Variants in SYNE1 observed in about 807,000 individuals in gnomAD.
The protein encoded by SYNE1 is spectrin repeat containing nuclear envelope protein 1.
A neutral mutation model predicts 1,111.0 loss-of-function variants in SYNE1; 616 were observed. That is an observed-to-expected ratio of 0.55 (90% confidence interval 0.52 to 0.59). SYNE1 has a LOEUF of 0.59. Ranked by LOEUF, SYNE1 falls within the 20% of genes least tolerant of loss-of-function variation. The pLI is 0.00. For missense variants in SYNE1, 10,006 were observed against 10,417.0 expected (o/e 0.96, Z 1.72); for synonymous variants, 3,855 against 3,825.8 (o/e 1.01, Z -0.28).
chr6:152,560,567 C>T (rs933777632), intron 3 of SYNE1, among the ~76,000 whole-genome samples: 13 of 152,068 alleles, frequency 8.5e-5, no homozygotes, highest in African/African-American at 1.4e-4. Flanking sequence ...TGAGAATGAA[C>T]CACTTCCACA....
At chr6:152,528,424 G>A (rs1268585987) in intron 4 of SYNE1, among the ~76,000 whole-genome samples, 1 of 152,130 alleles carries the variant, frequency 6.6e-6, no homozygotes, top group African/African-American at 2.4e-5. Context: ...TTTGTATAAG[G>A]TATTCTTTAT....
chr6:152,596,550 C>A (rs993340135), intron 3 of SYNE1, among the ~76,000 whole-genome samples: 24 of 152,080 alleles, frequency 1.6e-4, no homozygotes, highest in African/African-American at 5.8e-4. Context: ...GCCAGTGTGC[C>A]CGGCCAAGTT....
At position 152,442,241 on chromosome 6, in the gene SYNE1, T is replaced by G. The variant is rs2098538061; in HGVS notation, c.3842A>C (p.Lys1281Thr). The change falls in exon 31 of 146, where the codon AAG (lysine) becomes ACG (threonine). Residue 1281 changes from lysine (K) to threonine (T), a missense_variant. Physicochemically the swap from Lys to Thr is moderately conservative, Grantham distance 78 (BLOSUM62 -1). Around this residue, in one of 7 missense-constraint regions of SYNE1, gnomAD observed 1,971 missense variants for 2,084.1 expected, o/e 0.95. Coordinates refer to ENST00000367255, the MANE Select transcript of SYNE1 (RefSeq NM_182961.4). ...CTTCTTTGCTGAGATCCGCTTTGTC[T>G]TTTGCTAGAAGCATTTATTCAACAG... Reference protein sequence around the residue: ...AQQLLLHHQQKTKRISAKKRD... With the variant: ...AQQLLLHHQQTTKRISAKKRD... 3 of 1,612,668 alleles carry G rather than the reference T, an allele frequency of 1.9e-6. No homozygotes were observed. The highest frequency in any genetic ancestry group is 2.5e-6 in the Non-Finnish European group (3 of 1,180,044).
chr6:152,525,597 C>G (rs1183036580), intron 5 of SYNE1, among the ~76,000 whole-genome samples: 4 of 152,134 alleles, frequency 2.6e-5, no homozygotes, highest in Non-Finnish European at 4.4e-5. Flanking sequence ...ACAGGCTGTT[C>G]TTGCTACAAA....
At chr6:152,138,042 T>TA (rs2057466656) in intron 140 of SYNE1, among the ~76,000 whole-genome samples, 1 of 152,142 alleles carries the variant, frequency 6.6e-6, no homozygotes, top group Non-Finnish European at 1.5e-5. Flanking sequence ...CTTACTAGAG[T>TA]AATTTAGGGA....
chr6:152,140,415 C>A (rs1221662859), intron 139 of SYNE1, among the ~76,000 whole-genome samples: 1 of 152,020 alleles, frequency 6.6e-6, no homozygotes, highest in African/African-American at 2.4e-5. Context: ...AAGAGCTTTA[C>A]GAAGTAATAA....
chr6:152,460,972 C>T (rs1163529014), intron 21 of SYNE1, among the ~76,000 whole-genome samples: 1 of 151,892 alleles, frequency 6.6e-6, no homozygotes, highest in African/African-American at 2.4e-5. Context: ...GACACCATGC[C>T]TGGCTAATTT....
At chr6:152,184,027 C>T (rs935919375) in intron 128 of SYNE1, among the ~76,000 whole-genome samples, 1 of 152,178 alleles carries the variant, frequency 6.6e-6, no homozygotes, top group Non-Finnish European at 1.5e-5. Context: ...CTTATGTTTG[C>T]TCCAAAAATT....
At chr6:152,480,730 C>A (rs1478569004) in intron 14 of SYNE1, 1 of 456,028 alleles carries the variant, frequency 2.2e-6, no homozygotes, top group Non-Finnish European at 4.4e-6. Context: ...CTGGCCTGAG[C>A]CCCTGTCGCT....
chr6:152,415,428 C>T (rs2098136033), intron 41 of SYNE1, among the ~76,000 whole-genome samples: 1 of 152,136 alleles, frequency 6.6e-6, no homozygotes, highest in South Asian at 2.1e-4. Flanking sequence ...AATGACAGTT[C>T]ATCACCTTCC....
intron 145 of SYNE1, chr6:152,126,820 TA>T (rs2053617995): frequency 6.6e-6 from 1 of 152,176 alleles, no homozygotes; most frequent in Non-Finnish European, 1.5e-5. Flanking sequence ...GCCATGCACA[TA>T]GGGTATGACT....
intron 120 of SYNE1, 136 bp from the exon 121 acceptor site, chr6:152,218,539 T>C: frequency 2.0e-6 from 2 of 989,988 alleles, no homozygotes; most frequent in Non-Finnish European, 1.5e-6. Context: ...TCTCTAGACG[T>C]TCCTATAAAA....
chr6:152,291,124 TTAATATGATATATTAATATATG>T, intron 95 of SYNE1, among the ~76,000 whole-genome samples: 1 of 133,208 alleles, frequency 7.5e-6, no homozygotes, highest in Non-Finnish European at 1.6e-5. Flanking sequence ...TGCAATTATA[TTAATATGATATATTAATATATG>T]CAATTATATT....
At chr6:152,344,273 C>T (rs1000559266) in intron 73 of SYNE1, 46 bp from the exon 74 acceptor site, 1 of 1,612,774 alleles carries the variant, frequency 6.2e-7, no homozygotes, top group Non-Finnish European at 8.5e-7. Flanking sequence ...TGCTTTCTAC[C>T]TCTATAAAGA....
At chr6:152,285,503 T>C (rs2094280599) in intron 95 of SYNE1, among the ~76,000 whole-genome samples, 1 of 152,182 alleles carries the variant, frequency 6.6e-6, no homozygotes, top group Non-Finnish European at 1.5e-5. Flanking sequence ...ATCAAACTTG[T>C]TACTACACTC....
intron 72 of SYNE1, among the ~76,000 whole-genome samples, chr6:152,348,678 T>C (rs1178318594): frequency 6.6e-6 from 1 of 151,058 alleles, no homozygotes; most frequent in East Asian, 1.9e-4. Context: ...AGAGCAAAAC[T>C]CTGTCTCAAA....
chr6:152,350,389 AACTGTTTTGTATT>A, intron 71 of SYNE1, 54 bp from the exon 72 acceptor site: 2 of 1,611,942 alleles, frequency 1.2e-6, no homozygotes, highest in East Asian at 4.5e-5. Flanking sequence ...ACCTACTCAA[AACTGTTTTGTATT>A]ACAAAAACCC....
At chr6:152,479,157 G>A (rs1417219442) in intron 14 of SYNE1, among the ~76,000 whole-genome samples, 2 of 152,172 alleles carry the variant, frequency 1.3e-5, no homozygotes, top group African/African-American at 2.4e-5. Flanking sequence ...ACTGTGGAGT[G>A]AGTGGCTAGG....
chr6:152,563,528 G>A (rs1219390611), intron 3 of SYNE1, among the ~76,000 whole-genome samples: 3 of 152,078 alleles, frequency 2.0e-5, no homozygotes, highest in Non-Finnish European at 2.9e-5. Flanking sequence ...TGTGGTAATT[G>A]TTTCACAATG....
Sources: gnomAD v4.1 joint callset for allele counts (sites outside exome capture counted in the v4.1 genomes callset) on GRCh38, gnomAD v4.1.1 for gene constraint, gnomAD v4.1.1 regional missense constraint, MANE v1.5 for transcripts, NCBI Gene and HGNC (gene_info 2026-07-23, HGNC 2026-07-21) for gene names.